ADCY8: variants seen among roughly 807,000 people sequenced by gnomAD.
The protein encoded by ADCY8 is adenylate cyclase 8, also known as adenylate cyclase type 8.
A neutral mutation model predicts 119.7 loss-of-function variants in ADCY8; 51 were observed. The observed-to-expected ratio is 0.43, with a 90% CI of 0.34 to 0.54. The LOEUF is 0.54. Among genes scored for constraint, ADCY8 ranks in the 20% least tolerant of loss-of-function variants. The pLI is 0.03. For missense variants in ADCY8, 1,383 were observed against 1,598.8 expected (o/e 0.87, Z 2.30); for synonymous variants, 665 against 651.0 (o/e 1.02, Z -0.33).
At position 130,951,921 on chromosome 8, in the gene ADCY8, C is replaced by T. The variant is rs78376023; in HGVS notation, c.1188G>A (p.Glu396=). The T allele has an allele frequency of 2.9e-3, 4,726 of 1,614,026 alleles. 10 individuals are homozygous for T. Among genetic ancestry groups the T allele is most frequent in the Non-Finnish European group, 3.4e-3 (4,051 of 1,179,998 alleles). Residue 396 remains glutamate (E), a synonymous_variant, in exon 3 of 18, where the codon GAG becomes GAA. Transcript: ENST00000286355. ...MINDMTNVED[E]HLQHQFHRIY... ...TCCGATGGAACTGGTGCTGCAGGTG[C>T]TCATCTTCCACATTGGTCATGTCGT...
chr8:130,996,726 G>C (rs957457360), intron 1 of ADCY8, among the ~76,000 whole-genome samples: 37 of 152,042 alleles, frequency 2.4e-4, no homozygotes, highest in African/African-American at 8.9e-4. Flanking sequence ...ACTATAAAAA[G>C]GGGGAAAAAT....
rs77623225 is a variant in ADCY8 at position 130,929,581 on chromosome 8, G to A, written c.1481+7492C>T. Among the ~76,000 whole-genome samples, 226 of 152,296 alleles carry A rather than the reference G, an allele frequency of 1.5e-3. 3 individuals are homozygous for A. The highest frequency in any genetic ancestry group is 0.013 in the East Asian group (67 of 5,186). ...TGAGCTATCCTCGAGAATCTTTCAT[G>A]TGAAATTGAGAATAATGTATATTCT... On this transcript the variant is annotated intron_variant, in intron 5 of 17. Coordinates refer to ENST00000286355, the MANE Select transcript of ADCY8 (RefSeq NM_001115.3).
At chr8:130,836,821 C>T (rs1586465154) in intron 11 of ADCY8, among the ~76,000 whole-genome samples, 1 of 152,254 alleles carries the variant, frequency 6.6e-6, no homozygotes, top group Non-Finnish European at 1.5e-5. Context: ...GCAACCTCCT[C>T]CTCCCAGGTT....
intron 7 of ADCY8, among the ~76,000 whole-genome samples, chr8:130,902,294 C>T (rs1261227383): frequency 6.6e-6 from 1 of 152,110 alleles, no homozygotes; most frequent in Non-Finnish European, 1.5e-5. Flanking sequence ...TGGTCATGCA[C>T]CCACTCCAGG....
intron 16 of ADCY8, 93 bp downstream of exon 16, chr8:130,785,290 A>G (rs1346480793): frequency 3.7e-6 from 3 of 810,978 alleles, no homozygotes; most frequent in South Asian, 2.1e-5. Flanking sequence ...TCTTTCCCCA[A>G]GGATCTTGGT....
In ADCY8 at chr8:130,861,325, C is replaced by A. The variant is rs147157730; in HGVS notation, c.2210+6521G>T. On this transcript the variant is annotated intron_variant, in intron 9 of 17. Coordinates refer to ENST00000286355, the MANE Select transcript of ADCY8 (RefSeq NM_001115.3). ...TTTTAACAATAGCAAGTCTTCCAAT[C>A]CATGAACACAGAATATCTCTTCATT... 1.2e-3 allele frequency among the ~76,000 whole-genome samples: 186 copies of A among 152,272 alleles called. 3 individuals are homozygous for A. The highest frequency in any genetic ancestry group is 4.1e-3 in the African/African-American group (169 of 41,572).
intron 8 of ADCY8, among the ~76,000 whole-genome samples, chr8:130,877,937 C>T (rs1818628502): frequency 6.6e-6 from 1 of 152,014 alleles, no homozygotes; most frequent in Non-Finnish European, 1.5e-5. Context: ...TTAAGATTGG[C>T]CCATATGAGA....
rs1277944225 is a variant in ADCY8, at chr8:131,039,601, T to G, written c.733A>C (p.Ser245Arg). 6.2e-7 allele frequency: 1 copy of G among 1,614,024 alleles called. No individual in the cohort carries two copies. The highest frequency in any genetic ancestry group is 8.5e-7 in the Non-Finnish European group (1 of 1,180,004). ...DTTSHTYLQYSGVVTWVAMTT... is the reference protein window; with the variant it reads ...DTTSHTYLQYRGVVTWVAMTT... ...ATGGCCACCCAGGTGACCACGCCGC[T>G]GTACTGCAGGTACGTGTGGGAGGTG... The change falls in exon 1 of 18, where the codon AGC becomes CGC. Residue 245 changes from serine to arginine, a missense_variant. Physicochemically the swap from Ser to Arg is moderately radical, Grantham distance 110. Coordinates refer to ENST00000286355, the MANE Select transcript of ADCY8 (RefSeq NM_001115.3).
chr8:130,910,114 T>C (rs3923137), intron 5 of ADCY8, among the ~76,000 whole-genome samples: 88,690 of 151,692 alleles, frequency 0.58, 27,497 homozygotes, highest in East Asian at 0.69. Context: ...GGATTACAGG[T>C]GTGAGCCACC....
At chr8:130,840,714 G>C (rs1245862619) in intron 11 of ADCY8, among the ~76,000 whole-genome samples, 1 of 152,102 alleles carries the variant, frequency 6.6e-6, no homozygotes, top group African/African-American at 2.4e-5. Flanking sequence ...GTTGAATACA[G>C]TGTTTTGGGG....
At chr8:130,962,255 A>C (rs1288555588) in intron 2 of ADCY8, among the ~76,000 whole-genome samples, 1 of 152,176 alleles carries the variant, frequency 6.6e-6, no homozygotes, top group Admixed American at 6.5e-5. Context: ...ACTGCCTGAG[A>C]AACATCATTT....
intron 5 of ADCY8, among the ~76,000 whole-genome samples, chr8:130,925,204 T>C (rs573481654): frequency 6.6e-6 from 1 of 151,942 alleles, no homozygotes; most frequent in African/African-American, 2.4e-5. Flanking sequence ...AGACTCTGTC[T>C]CAAAAACAAA....
intron 12 of ADCY8, among the ~76,000 whole-genome samples, chr8:130,827,827 G>C (rs1287327905): frequency 6.6e-6 from 1 of 152,168 alleles, no homozygotes; most frequent in Non-Finnish European, 1.5e-5. Flanking sequence ...GGAGCTCTCA[G>C]CCTCCATTTT....
intron 12 of ADCY8, among the ~76,000 whole-genome samples, chr8:130,821,833 T>C (rs1158038907): frequency 6.6e-6 from 1 of 152,196 alleles, no homozygotes. Flanking sequence ...CTCATCAGGA[T>C]TGGACAGGGA....
At chr8:130,866,353 A>G (rs895462836) in intron 9 of ADCY8, among the ~76,000 whole-genome samples, 2 of 151,984 alleles carry the variant, frequency 1.3e-5, no homozygotes, top group Admixed American at 1.3e-4. Flanking sequence ...CCACAGCATC[A>G]TGCTACAATC....
At chr8:131,029,466 G>A (rs1170676480) in intron 1 of ADCY8, among the ~76,000 whole-genome samples, 3 of 152,160 alleles carry the variant, frequency 2.0e-5, no homozygotes, top group African/African-American at 4.8e-5. Flanking sequence ...CCAGAGCTGG[G>A]TATAGAGATT....
chr8:130,909,588 TCTC>T, intron 6 of ADCY8, 117 bp downstream of exon 6: 1 of 1,184,120 alleles, frequency 8.4e-7, no homozygotes, highest in Non-Finnish European at 1.2e-6. Flanking sequence ...CAGTGTCTGG[TCTC>T]CTTCCAAATA....
intron 5 of ADCY8, among the ~76,000 whole-genome samples, chr8:130,933,051 C>T (rs1184646142): frequency 6.6e-6 from 1 of 152,150 alleles, no homozygotes; most frequent in East Asian, 1.9e-4. Flanking sequence ...TTTCTGCACT[C>T]TGGGGATTGA....
chr8:130,836,149 AT>A, intron 12 of ADCY8, 127 bp downstream of exon 12: 7 of 1,071,696 alleles, frequency 6.5e-6, no homozygotes, highest in African/African-American at 1.6e-5. Context: ...AGAATGCCTG[AT>A]TTGAGATATA....
Sources: gnomAD v4.1 joint callset for allele counts (sites outside exome capture counted in the v4.1 genomes callset) on GRCh38, gnomAD v4.1.1 for gene constraint, MANE v1.5 for transcripts, NCBI Gene and HGNC (gene_info 2026-07-23, HGNC 2026-07-21) for gene names.